ARHGAP15: variants seen among roughly 807,000 people sequenced by gnomAD.
ARHGAP15 encodes rho GTPase-activating protein 15.
In ARHGAP15, 51 loss-of-function variants were observed where a neutral mutation model predicts 63.7. The ratio of observed to expected loss-of-function variants is 0.80; its 90% CI spans 0.64 to 1.01. The LOEUF (loss-of-function observed/expected upper bound fraction) is 1.01. ARHGAP15 is among the 50% of genes least tolerant of loss of function. The probability of loss-of-function intolerance (pLI) is 0.00; values close to 1 mark genes in which losing one functional copy is unlikely to be tolerated. For missense variants in ARHGAP15, 560 were observed against 564.6 expected (o/e 0.99, Z 0.08); for synonymous variants, 191 against 193.8 (o/e 0.99, Z 0.12).
chr2:143,590,053 T>C (rs2105166242), intron 11 of ARHGAP15, among the ~76,000 whole-genome samples: 1 of 152,300 alleles, frequency 6.6e-6, no homozygotes, highest in South Asian at 2.1e-4. Flanking sequence ...ACTCATTTTG[T>C]ATTTGCTCCA....
intron 6 of ARHGAP15, among the ~76,000 whole-genome samples, chr2:143,369,152 T>G (rs1686429979): frequency 1.3e-5 from 2 of 152,136 alleles, no homozygotes; most frequent in Non-Finnish European, 2.9e-5. Context: ...TAAATGCAAT[T>G]TCCACATTTG....
At chr2:143,365,726 A>T (rs1447489420) in intron 6 of ARHGAP15, among the ~76,000 whole-genome samples, 2 of 152,184 alleles carry the variant, frequency 1.3e-5, no homozygotes, top group Non-Finnish European at 2.9e-5. Flanking sequence ...AACATCGCTA[A>T]TTCTAAATCG....
intron 1 of ARHGAP15, among the ~76,000 whole-genome samples, chr2:143,142,259 G>A (rs1486604182): frequency 6.6e-6 from 1 of 152,046 alleles, no homozygotes; most frequent in Non-Finnish European, 1.5e-5. Flanking sequence ...AGGAGCAGAG[G>A]GTAATGATTA....
At chr2:143,358,811 TTCA>T (rs1258536468) in intron 6 of ARHGAP15, among the ~76,000 whole-genome samples, 4 of 151,658 alleles carry the variant, frequency 2.6e-5, no homozygotes, top group Admixed American at 6.6e-5. Context: ...GTGAATGGAG[TTCA>T]TCATCAACAC....
intron 6 of ARHGAP15, chr2:143,350,923 T>A (rs1685540393): frequency 6.6e-6 from 1 of 151,790 alleles, no homozygotes; most frequent in Non-Finnish European, 1.5e-5. Context: ...TTCAGCCAAT[T>A]GTCTCGGTTC....
intron 12 of ARHGAP15, among the ~76,000 whole-genome samples, chr2:143,627,748 G>T (rs970033428): frequency 6.6e-6 from 1 of 152,072 alleles, no homozygotes; most frequent in African/African-American, 2.4e-5. Context: ...TCAGATCCTA[G>T]TTCTTCCCTT....
chr2:143,203,709 T>A (rs2105117290), intron 3 of ARHGAP15, among the ~76,000 whole-genome samples: 1 of 152,254 alleles, frequency 6.6e-6, no homozygotes, highest in East Asian at 1.9e-4. Flanking sequence ...GAGAGCCACC[T>A]CTTTTCAACC....
intron 6 of ARHGAP15, among the ~76,000 whole-genome samples, chr2:143,401,437 A>C (rs368641784): frequency 1.3e-5 from 2 of 152,146 alleles, no homozygotes; most frequent in East Asian, 1.9e-4. Flanking sequence ...CCATGTGGGA[A>C]TATTACATAC....
chr2:143,659,137 A>G (rs904568927), intron 12 of ARHGAP15, among the ~76,000 whole-genome samples: 2 of 152,126 alleles, frequency 1.3e-5, no homozygotes, highest in Non-Finnish European at 2.9e-5. Context: ...TCTTCCATAT[A>G]TGTTCCAAAT....
chr2:143,325,987 CT>C (rs1271646518), intron 6 of ARHGAP15, among the ~76,000 whole-genome samples: 1 of 152,088 alleles, frequency 6.6e-6, no homozygotes, highest in African/African-American at 2.4e-5. Flanking sequence ...CTATTTTGCA[CT>C]TTGTGGTGGT....
intron 3 of ARHGAP15, among the ~76,000 whole-genome samples, chr2:143,208,144 A>T (rs2105127025): frequency 1.3e-5 from 2 of 152,280 alleles, no homozygotes; most frequent in South Asian, 4.1e-4. Context: ...CATCATCTCT[A>T]CTGTATGGAT....
intron 6 of ARHGAP15, among the ~76,000 whole-genome samples, chr2:143,349,483 T>A (rs577820706): frequency 6.6e-6 from 1 of 152,188 alleles, no homozygotes; most frequent in Admixed American, 6.5e-5. Context: ...AGCTTGTAAT[T>A]TTCTAAAATA....
chr2:143,379,342 C>CAT lies in ARHGAP15; in HGVS notation c.475-56244_475-56243dup, dbSNP rs200625805. On this transcript the variant is annotated intron_variant, in intron 6 of 13. Transcript: ENST00000295095. The stretch of plus-strand genomic sequence containing the variant: ...TCATTTAACAAGGTGGTTTTTTAGG[C>CAT]ATATATATATATATATGTGTGTGTG... Among the ~76,000 whole-genome samples, 325 of 148,672 alleles carry CAT rather than the reference C, an allele frequency of 2.2e-3. 1 individual carries two copies. Among genetic ancestry groups the CAT allele is most frequent in the South Asian group, 3.9e-3 (18 of 4,612 alleles).
intron 11 of ARHGAP15, among the ~76,000 whole-genome samples, chr2:143,572,868 AAG>A (rs1272930938): frequency 6.6e-6 from 1 of 152,164 alleles, no homozygotes; most frequent in Non-Finnish European, 1.5e-5. Context: ...CCAAAACACA[AAG>A]AGCCATATTG....
chr2:143,286,753 G>A (rs977204163), intron 6 of ARHGAP15, among the ~76,000 whole-genome samples: 1 of 152,080 alleles, frequency 6.6e-6, no homozygotes, highest in Non-Finnish European at 1.5e-5. Flanking sequence ...TGTGCCAATA[G>A]GATTACATTC....
rs146998183 is a variant in ARHGAP15 at position 143,705,002 on chromosome 2, A to T, written c.1244+1478A>T. ...GACCTGTTCCTAAACACATGCAAAC[A>T]TATGTGTGTATGGTTGCTTCTAATG... On this transcript the variant is annotated intron_variant, in intron 13 of 13. Transcript: ENST00000295095. 6.2e-3 allele frequency among the ~76,000 whole-genome samples: 941 copies of T among 152,300 alleles called. 4 individuals are homozygous for T. The highest frequency in any genetic ancestry group is 0.027 in the Middle Eastern group (8 of 294).
At chr2:143,145,703 G>T (rs1689553817) in intron 1 of ARHGAP15, among the ~76,000 whole-genome samples, 1 of 151,930 alleles carries the variant, frequency 6.6e-6, no homozygotes, top group Non-Finnish European at 1.5e-5. Context: ...GACACTGTCA[G>T]CATCTTTCAA....
chr2:143,503,786 G>T (rs1201661195), intron 9 of ARHGAP15, among the ~76,000 whole-genome samples: 1 of 152,172 alleles, frequency 6.6e-6, no homozygotes, highest in Non-Finnish European at 1.5e-5. Flanking sequence ...AGCTATGCTT[G>T]CATTTCTTTA....
intron 11 of ARHGAP15, among the ~76,000 whole-genome samples, chr2:143,584,255 C>T (rs557193587): frequency 3.3e-5 from 5 of 152,310 alleles, no homozygotes; most frequent in Admixed American, 3.3e-4. Context: ...TCATTTGTAG[C>T]ATTCTGGCAG....
Sources: allele counts gnomAD v4.1 joint callset (sites outside exome capture counted in the v4.1 genomes callset), GRCh38; gene constraint gnomAD v4.1.1; transcripts MANE v1.5; gene names NCBI Gene and HGNC (gene_info 2026-07-23, HGNC 2026-07-21).